Variants in HPSE2 observed in about 807,000 individuals in gnomAD.
HPSE2 encodes inactive heparanase-2.
HPSE2 carries 38 observed loss-of-function variants against 60.5 expected under a neutral mutation model. The observed-to-expected ratio is 0.63, with a 90% CI of 0.48 to 0.82. The LOEUF is 0.82. Ranked by LOEUF, HPSE2 falls within the 40% of genes least tolerant of loss-of-function variation. HPSE2 has a pLI of 0.00. For synonymous variants in HPSE2, 295 were observed against 293.2 expected (o/e 1.01, Z -0.06); for missense variants, 713 against 740.4 (o/e 0.96, Z 0.43).
At chr10:98,477,646 C>A (rs528992925) in intron 11 of HPSE2, among the ~76,000 whole-genome samples, 1 of 152,188 alleles carries the variant, frequency 6.6e-6, no homozygotes, top group Non-Finnish European at 1.5e-5. Flanking sequence ...TAAGTCCTTT[C>A]GATTTTAGAT....
intron 9 of HPSE2, among the ~76,000 whole-genome samples, chr10:98,565,846 T>TATCATCATC (rs113527339): frequency 1.3e-5 from 2 of 150,802 alleles, no homozygotes; most frequent in Non-Finnish European, 3.0e-5. Context: ...TAAAAACCTG[T>TATCATCATC]ATCATCATCA....
chr10:98,852,113 A>ATATGTGTGTGTGTGTGTGTGTG (rs779720749), intron 3 of HPSE2, among the ~76,000 whole-genome samples: 3 of 91,958 alleles, frequency 3.3e-5, no homozygotes, highest in African/African-American at 1.4e-4. Context: ...GTATATTATG[A>ATATGTGTGTGTGTGTGTGTGTG]TGTGTGTGTG....
At chr10:98,792,257 A>G (rs942829834) in intron 3 of HPSE2, among the ~76,000 whole-genome samples, 2 of 151,230 alleles carry the variant, frequency 1.3e-5, no homozygotes, top group African/African-American at 2.4e-5. Flanking sequence ...TTTTTCTTTT[A>G]TTTTTATCAT....
chr10:99,309,359 A>G, the HPSE2 span, among the ~76,000 whole-genome samples: 1 of 152,230 alleles, frequency 6.6e-6, no homozygotes, highest in African/African-American at 2.4e-5. Flanking sequence ...CAAACTATTT[A>G]AAAATGAGCA....
Position 98,477,017 on chromosome 10 carries a change from T to C in HPSE2, c.1613+5619A>G, listed in dbSNP as rs1201566747. 2.0e-5 allele frequency among the ~76,000 whole-genome samples: 3 copies of C among 152,180 alleles called. No homozygotes were observed. The East Asian group carries it at 5.8e-4, about 29-fold the overall frequency. The stretch of plus-strand genomic sequence containing the variant: ...ATTGTAATTTTATAGTACTGGACTG[T>C]TGTTGTAGCACATTGTTGAAAAAAG... On this transcript the variant is annotated intron_variant, in intron 11 of 11. Coordinates refer to ENST00000370552, the MANE Select transcript of HPSE2 (RefSeq NM_021828.5).
At chr10:99,130,543 T>C (rs1011813000) in intron 3 of HPSE2, among the ~76,000 whole-genome samples, 7 of 152,328 alleles carry the variant, frequency 4.6e-5, no homozygotes, top group African/African-American at 1.2e-4. Context: ...GAGTCCTTTA[T>C]TAGCCAGCAA....
At chr10:98,846,686 C>A (rs1048028142) in intron 3 of HPSE2, among the ~76,000 whole-genome samples, 1 of 152,186 alleles carries the variant, frequency 6.6e-6, no homozygotes, top group Non-Finnish European at 1.5e-5. Flanking sequence ...TAAACAAATG[C>A]TTCTTTTAAA....
chr10:99,120,477 A>T lies in HPSE2; in HGVS notation c.610+23761T>A, dbSNP rs965097786. On this transcript the variant is annotated intron_variant, in intron 3 of 11. Transcript: ENST00000370552. Reference sequence around the variant, plus strand: ...TGACTTTTTAATAATAGCCATTCTAATTTTTTTTTTTTTGAGACAGAGTTT... The same window carrying T: ...TGACTTTTTAATAATAGCCATTCTATTTTTTTTTTTTTTGAGACAGAGTTT... Among the ~76,000 whole-genome samples, 6 of 147,720 alleles carry T rather than the reference A, an allele frequency of 4.1e-5. No homozygotes were observed. The East Asian group carries it at 1.0e-3, about 25-fold the overall frequency.
chr10:99,092,837 G>A (rs1222997485), intron 3 of HPSE2, among the ~76,000 whole-genome samples: 2 of 152,166 alleles, frequency 1.3e-5, no homozygotes, highest in East Asian at 1.9e-4. Context: ...AACTGCTTTT[G>A]TGGTTCCAAT....
chr10:99,297,192 A>G, the HPSE2 span, among the ~76,000 whole-genome samples: 1 of 152,174 alleles, frequency 6.6e-6, no homozygotes, highest in Non-Finnish European at 1.5e-5. Flanking sequence ...CTACTGGTGG[A>G]GTGGCCATAA....
chr10:98,872,998 G>C (rs142841580), intron 3 of HPSE2, among the ~76,000 whole-genome samples: 3 of 152,218 alleles, frequency 2.0e-5, no homozygotes, highest in Admixed American at 1.3e-4. Flanking sequence ...GCTCTGTTTA[G>C]AAGGTGAAGA....
chr10:99,104,021 C>T (rs146987555), intron 3 of HPSE2, among the ~76,000 whole-genome samples: 50 of 152,188 alleles, frequency 3.3e-4, no homozygotes, highest in African/African-American at 1.2e-3. Flanking sequence ...GACCTAAAAC[C>T]ATAAAAACCC....
intron 3 of HPSE2, among the ~76,000 whole-genome samples, chr10:98,964,387 T>G (rs1955760939): frequency 6.6e-6 from 1 of 152,192 alleles, no homozygotes; most frequent in Non-Finnish European, 1.5e-5. Context: ...TTAATTTACC[T>G]AGCTAATAAC....
chr10:99,193,498 A>G (rs1227973389), intron 2 of HPSE2, among the ~76,000 whole-genome samples: 3 of 147,692 alleles, frequency 2.0e-5, no homozygotes, highest in East Asian at 3.9e-4. Flanking sequence ...GAATGGATAG[A>G]AAAAAAAAAA....
chr10:98,788,806 A>C (rs1252317), intron 3 of HPSE2, among the ~76,000 whole-genome samples: 125,182 of 149,650 alleles, frequency 0.84, 52,616 homozygotes, highest in African/African-American at 0.9. Flanking sequence ...CTTCGGCTCG[A>C]GCACGGTGCG....
At chr10:98,578,465 A>G (rs1056654763) in intron 9 of HPSE2, among the ~76,000 whole-genome samples, 1 of 152,184 alleles carries the variant, frequency 6.6e-6, no homozygotes, top group Non-Finnish European at 1.5e-5. Context: ...ATAAAATCCA[A>G]ATTTGTGAAC....
the HPSE2 span, among the ~76,000 whole-genome samples, chr10:99,264,248 C>T: frequency 1.7e-3 from 251 of 151,996 alleles, 3 homozygotes; most frequent in East Asian, 0.037. Flanking sequence ...CCACCATGCC[C>T]GGCTAATTTT....
intron 2 of HPSE2, among the ~76,000 whole-genome samples, chr10:99,197,817 T>C (rs959940028): frequency 1.3e-5 from 2 of 152,148 alleles, no homozygotes; most frequent in Admixed American, 1.3e-4. Context: ...TCCCATCACT[T>C]TGGGAGGCCA....
intron 3 of HPSE2, among the ~76,000 whole-genome samples, chr10:98,837,830 T>C (rs1167937989): frequency 1.3e-5 from 2 of 150,700 alleles, no homozygotes; most frequent in Non-Finnish European, 2.9e-5. Flanking sequence ...GCCGAGATCG[T>C]GCCACTGCAC....
Sources: gnomAD v4.1 joint callset for allele counts (sites outside exome capture counted in the v4.1 genomes callset) on GRCh38, gnomAD v4.1.1 for gene constraint, MANE v1.5 for transcripts, NCBI Gene and HGNC (gene_info 2026-07-23, HGNC 2026-07-21) for gene names.